ARFGEF1: variants seen among roughly 807,000 people sequenced by gnomAD.
ARFGEF1 encodes the protein ARF guanine nucleotide exchange factor 1.
In ARFGEF1, 42 loss-of-function variants were observed where a neutral mutation model predicts 231.0. The ratio of observed to expected loss-of-function variants is 0.18; its 90% confidence interval spans 0.14 to 0.24. The LOEUF (loss-of-function observed/expected upper bound fraction) is 0.24, where lower values mean the gene tolerates loss of function less well. ARFGEF1 is among the 10% of genes least tolerant of loss of function. ARFGEF1 has a pLI of 1.00. For missense variants in ARFGEF1, 1,345 were observed against 2,192.0 expected (o/e 0.61, Z 7.72); for synonymous variants, 710 against 732.3 (o/e 0.97, Z 0.49).
chr8:67,310,731 C>T (rs1806974104), intron 1 of ARFGEF1, among the ~76,000 whole-genome samples: 1 of 150,226 alleles, frequency 6.7e-6, no homozygotes, highest in African/African-American at 2.5e-5. Context: ...ATGTGAGGAG[C>T]GCCTCTGCCC....
At position 67,256,909 on chromosome 8, in the gene ARFGEF1, C is replaced by T. The variant is rs557239477; in HGVS notation, c.2526+823G>A. Among the ~76,000 whole-genome samples, 69 of 152,160 alleles carry T rather than the reference C, an allele frequency of 4.5e-4. 2 individuals are homozygous for T. The South Asian group carries it at 5.8e-3, about 13-fold the overall frequency. On this transcript the variant is annotated intron_variant, in intron 17 of 38. Coordinates refer to ENST00000262215, the MANE Select transcript of ARFGEF1 (RefSeq NM_006421.5). ...AGTACTTCTCTTTTAGAGAAACACA[C>T]TGAGATAAATGCAGATGAAATGGTA...
At chr8:67,227,639 G>C (rs962652436) in intron 25 of ARFGEF1, 41 bp from the exon 26 acceptor site, 3 of 1,581,098 alleles carry the variant, frequency 1.9e-6, no homozygotes, top group South Asian at 1.1e-5. Flanking sequence ...ATTAATATCA[G>C]CAGTAAAAAT....
chr8:67,343,385 G>A lies in ARFGEF1; in HGVS notation c.-98C>T, dbSNP rs1368597195. The A allele has an allele frequency of 1.1e-5, 17 of 1,517,902 alleles. No individual in the cohort carries two copies. In the South Asian group the frequency reaches 1.4e-4, roughly 12 times the overall value. The allele number at this position is 1,517,902 out of a possible 1,614,324, so 94.0% of individuals were successfully genotyped here. ...AAGGAAGAGAAGAGAGAAAGGAGAG[G>A]GGGTGGAGGTGGGGGATTGGAGGCG... On this transcript the variant is annotated 5_prime_UTR_variant, in exon 1 of 39. Coordinates refer to ENST00000262215, the MANE Select transcript of ARFGEF1 (RefSeq NM_006421.5).
intron 4 of ARFGEF1, among the ~76,000 whole-genome samples, chr8:67,296,919 G>A (rs936329085): frequency 4.6e-5 from 7 of 151,834 alleles, no homozygotes; most frequent in Admixed American, 1.3e-4. Context: ...CCCAAAGTGC[G>A]GGGGTTACAG....
chr8:67,336,814 T>TA (rs540967281), intron 1 of ARFGEF1, among the ~76,000 whole-genome samples: 101 of 152,052 alleles, frequency 6.6e-4, no homozygotes, highest in East Asian at 5.8e-4. Flanking sequence ...ATTTCTTTGA[T>TA]AAAAAAACCT....
At position 67,343,394 on chromosome 8, in the gene ARFGEF1, G is replaced by A. The variant is rs1808753394; in HGVS notation, c.-107C>T. ...AAGAGAGAAAGGAGAGGGGGTGGAG[G>A]TGGGGGATTGGAGGCGTGGAGGGCA... On this transcript the variant is annotated 5_prime_UTR_variant, in exon 1 of 39. Coordinates refer to ENST00000262215, the MANE Select transcript of ARFGEF1 (RefSeq NM_006421.5). 3.4e-6 allele frequency: 5 copies of A among 1,473,808 alleles called. No individual in the cohort carries two copies. Among genetic ancestry groups the A allele is most frequent in the Non-Finnish European group, 3.6e-6 (4 of 1,104,570 alleles). The allele number at this position is 1,473,808 out of a possible 1,614,324, so 91.3% of individuals were successfully genotyped here.
At chr8:67,277,038 A>T (rs556928465) in intron 8 of ARFGEF1, among the ~76,000 whole-genome samples, 1 of 152,280 alleles carries the variant, frequency 6.6e-6, no homozygotes, top group South Asian at 2.1e-4. Flanking sequence ...ATGGGTGTGG[A>T]GAAGATGTAA....
intron 1 of ARFGEF1, among the ~76,000 whole-genome samples, chr8:67,310,560 C>A (rs992518600): frequency 6.6e-6 from 1 of 151,974 alleles, no homozygotes; most frequent in Non-Finnish European, 1.5e-5. Context: ...GGCCGCCCAT[C>A]GTCTGGGATG....
chr8:67,201,318 G>C, intron 37 of ARFGEF1, 149 bp downstream of exon 37: 1 of 989,834 alleles, frequency 1.0e-6, no homozygotes, highest in Non-Finnish European at 1.4e-6. Context: ...TCATCTCTAA[G>C]ACTGAATTTA....
chr8:67,289,312 T>G (rs1213017072), intron 6 of ARFGEF1, among the ~76,000 whole-genome samples: 1 of 151,808 alleles, frequency 6.6e-6, no homozygotes, highest in Non-Finnish European at 1.5e-5. Context: ...CCCAGCACTT[T>G]GGGAAGCTGG....
intron 5 of ARFGEF1, among the ~76,000 whole-genome samples, chr8:67,188,010 A>G (rs1166853893): frequency 6.6e-6 from 1 of 152,222 alleles, no homozygotes; most frequent in African/African-American, 2.4e-5. Flanking sequence ...CAATTCATAA[A>G]AGAAATAATT....
At chr8:67,304,776 G>A (rs575496703) in intron 1 of ARFGEF1, among the ~76,000 whole-genome samples, 21 of 152,338 alleles carry the variant, frequency 1.4e-4, no homozygotes, top group Admixed American at 1.1e-3. Flanking sequence ...CTGAGATTGC[G>A]CCACTGCGCT....
chr8:67,297,298 C>T (rs75354391), intron 4 of ARFGEF1, among the ~76,000 whole-genome samples: 2,473 of 152,310 alleles, frequency 0.016, 71 homozygotes, highest in African/African-American at 0.057. Flanking sequence ...AAGATACACA[C>T]TGTGTCTTAT....
chr8:67,175,623 CT>C (rs1267958352), intron 5 of ARFGEF1: 2 of 718,468 alleles, frequency 2.8e-6, no homozygotes, highest in Non-Finnish European at 5.0e-6. Flanking sequence ...AGTGGCTCCA[CT>C]AGGGTGGTGT....
Position 67,211,368 on chromosome 8 carries a change from A to AG in ARFGEF1, c.4819+114dup. 3 of 596,858 alleles carry AG rather than the reference A, an allele frequency of 5.0e-6. No individual in the cohort carries two copies. The African/African-American group carries it at 6.1e-5, about 12-fold the overall frequency. The allele number at this position is 596,858 out of a possible 1,614,324, so 37.0% of individuals were successfully genotyped here. On this transcript the variant is annotated intron_variant, in intron 34 of 38. Coordinates refer to ENST00000262215, the MANE Select transcript of ARFGEF1 (RefSeq NM_006421.5). ...CTCAAAAAAAAAAAAAAAAAAAAGA[A>AG]GTGATGACACAATCAATTATAGTAT... is the stretch of plus-strand genomic sequence containing the variant.
downstream of ARFGEF1, chr8:67,195,575 G>C (rs1178982432): frequency 1.2e-6 from 2 of 1,614,134 alleles, no homozygotes. Flanking sequence ...GGCAGGGCCT[G>C]TCGACTGCAC....
intron 22 of ARFGEF1, among the ~76,000 whole-genome samples, chr8:67,234,933 C>T (rs1166834695): frequency 6.6e-6 from 1 of 151,722 alleles, no homozygotes; most frequent in Non-Finnish European, 1.5e-5. Flanking sequence ...CAGCATGTTA[C>T]AGGAATTTTA....
At chr8:67,273,616 C>T (rs1463455334) in intron 9 of ARFGEF1, among the ~76,000 whole-genome samples, 1 of 152,000 alleles carries the variant, frequency 6.6e-6, no homozygotes, top group Non-Finnish European at 1.5e-5. Context: ...AAAAATACTA[C>T]TTTCTCTGAA....
chr8:67,200,739 T>C (rs1403980003), intron 37 of ARFGEF1, among the ~76,000 whole-genome samples: 1 of 152,164 alleles, frequency 6.6e-6, no homozygotes, highest in Non-Finnish European at 1.5e-5. Flanking sequence ...GAAACCCACA[T>C]TTTCCTAATT....
Sources: allele counts gnomAD v4.1 joint callset (sites outside exome capture counted in the v4.1 genomes callset), GRCh38; gene constraint gnomAD v4.1.1; transcripts MANE v1.5; gene names NCBI Gene and HGNC (gene_info 2026-07-23, HGNC 2026-07-21).